STX6: variants seen among roughly 807,000 people sequenced by gnomAD.
The protein encoded by STX6 is syntaxin 6, also known as syntaxin-6.
In STX6, 23 loss-of-function variants were observed where a neutral mutation model predicts 38.0. The observed-to-expected ratio is 0.60, with a 90% CI of 0.43 to 0.86. The LOEUF is 0.86. Among genes scored for constraint, STX6 ranks in the 40% least tolerant of loss-of-function variants. The pLI, the probability that STX6 is intolerant of heterozygous loss-of-function variation, is 0.00. For missense variants in STX6, 274 were observed against 312.9 expected (o/e 0.88, Z 0.94); for synonymous variants, 123 against 107.5 (o/e 1.14, Z -0.89).
intron 1 of STX6, among the ~76,000 whole-genome samples, chr1:181,010,068 G>A (rs766409954): frequency 1.2e-4 from 19 of 152,130 alleles, no homozygotes; most frequent in Admixed American, 8.5e-4. Context: ...CCAGGTGCTC[G>A]ACATGGGGGA....
chr1:180,972,933 CCTGGGAGGAGTAAGGCCTGTCA>C lies in STX6; in HGVS notation c.*3615_*3636del. 1 of 254,120 alleles carries C rather than the reference CCTGGGAGGAGTAAGGCCTGTCA, an allele frequency of 3.9e-6. No individual in the cohort carries two copies. Among genetic ancestry groups the C allele is most frequent in the South Asian group, 4.3e-5 (1 of 23,004 alleles). 15.7% of individuals were successfully genotyped at this position (254,120 alleles called of 1,614,324 possible). On this transcript the variant is annotated 3_prime_UTR_variant, in exon 8 of 8. Transcript: ENST00000258301. ...ACCACCCCCTATTAGAAGCAAAGGCCCTGGGAGGAGTAAGGCCTGTCACTGGGGCAGGGGCACTGTCCTCAGG... is the reference window on the plus strand; with the variant it reads ...ACCACCCCCTATTAGAAGCAAAGGCCCTGGGGCAGGGGCACTGTCCTCAGG...
chr1:180,994,968 AT>A (rs35603304), intron 3 of STX6, among the ~76,000 whole-genome samples: 56,348 of 144,418 alleles, frequency 0.39, 11,289 homozygotes, highest in African/African-American at 0.54. Context: ...TTAAAAAAAA[AT>A]TTTTTTTTTT....
intron 1 of STX6, among the ~76,000 whole-genome samples, chr1:181,007,257 A>G (rs1380540575): frequency 2.0e-5 from 3 of 152,066 alleles, no homozygotes; most frequent in Non-Finnish European, 2.9e-5. Context: ...TCTCTAGATT[A>G]TTTATAATAC....
intron 7 of STX6, among the ~76,000 whole-genome samples, chr1:180,982,834 C>G (rs529435037): frequency 6.6e-6 from 1 of 152,304 alleles, no homozygotes; most frequent in Non-Finnish European, 1.5e-5. Flanking sequence ...AAACCTTTCT[C>G]TAAATGTGTG....
chr1:180,981,241 T>A (rs1655406365), intron 7 of STX6, among the ~76,000 whole-genome samples: 1 of 152,058 alleles, frequency 6.6e-6, no homozygotes, highest in Non-Finnish European at 1.5e-5. Flanking sequence ...TGATGCTTGA[T>A]GTCAATAGTC....
At position 180,981,229 on chromosome 1, in the gene STX6, C is replaced by T. The variant is rs575066020; in HGVS notation, c.691+3448G>A. ...AGGCTGATTGTAACAAACGTACCAC[C>T]GTGATGCTTGATGTCAATAGTCAGG... On this transcript the variant is annotated intron_variant, in intron 7 of 7. Transcript: ENST00000258301. Among the ~76,000 whole-genome samples, 41 of 152,098 alleles carry T rather than the reference C, an allele frequency of 2.7e-4. No individual in the cohort carries two copies. The South Asian group carries it at 7.1e-3, about 26-fold the overall frequency.
intron 1 of STX6, among the ~76,000 whole-genome samples, chr1:181,018,414 A>AG (rs1558101779): frequency 7.6e-6 from 1 of 132,292 alleles, no homozygotes; most frequent in Non-Finnish European, 1.7e-5. Context: ...AAAAAAAAAA[A>AG]GAAAAGAAAA....
At chr1:181,002,324 A>C in intron 3 of STX6, among the ~76,000 whole-genome samples, 1 of 147,700 alleles carries the variant, frequency 6.8e-6, no homozygotes, top group South Asian at 2.1e-4. Context: ...TAATTTTTAT[A>C]TTTTTTTTTT....
intron 3 of STX6, among the ~76,000 whole-genome samples, chr1:180,998,676 C>A (rs1403165680): frequency 6.6e-6 from 1 of 152,216 alleles, no homozygotes; most frequent in Non-Finnish European, 1.5e-5. Context: ...CCACCACACC[C>A]CGCCAGCTTT....
At chr1:181,018,421 A>G (rs934961410) in intron 1 of STX6, among the ~76,000 whole-genome samples, 2 of 148,894 alleles carry the variant, frequency 1.3e-5, no homozygotes, top group African/African-American at 4.9e-5. Context: ...AAAAGAAAAG[A>G]AAAAGTGATA....
At position 180,993,354 on chromosome 1, in the gene STX6, T is replaced by C; in HGVS notation, c.363+9A>G. On this transcript the variant is annotated intron_variant, in intron 4 of 7. Coordinates refer to ENST00000258301, the MANE Select transcript of STX6 (RefSeq NM_005819.6). The stretch of plus-strand genomic sequence containing the variant: ...TGTCATTGATAATTATATTCTGATG[T>C]TTTCTCACCTGTCTATTTTTTCTTT... The C allele has an allele frequency of 6.7e-7, 1 of 1,492,142 alleles. No homozygotes were observed. The highest frequency in any genetic ancestry group is 9.3e-7 in the Non-Finnish European group (1 of 1,070,880). 92.4% of individuals were successfully genotyped at this position (1,492,142 alleles called of 1,614,324 possible). A position where few individuals can be genotyped will look rare whatever the true frequency, so the allele number is the denominator to read the frequency against.
At chr1:181,020,360 A>C (rs1656691779) in intron 1 of STX6, among the ~76,000 whole-genome samples, 1 of 152,234 alleles carries the variant, frequency 6.6e-6, no homozygotes, top group Admixed American at 6.5e-5. Flanking sequence ...TCTCATCAAT[A>C]ATCTTTAATC....
At chr1:181,020,442 G>A (rs994469479) in intron 1 of STX6, among the ~76,000 whole-genome samples, 2 of 152,110 alleles carry the variant, frequency 1.3e-5, no homozygotes, top group African/African-American at 2.4e-5. Context: ...ATATTTTACT[G>A]CGGCTACTAG....
chr1:180,984,851 G>A, intron 6 of STX6, 80 bp from the exon 7 acceptor site: 1 of 578,140 alleles, frequency 1.7e-6, no homozygotes, highest in Non-Finnish European at 3.2e-6. Context: ...AAAGGACCAG[G>A]CCTCCATTTT....
intron 1 of STX6, among the ~76,000 whole-genome samples, chr1:181,016,219 CCATCTT>C (rs1246841468): frequency 7.3e-6 from 1 of 136,700 alleles, no homozygotes; most frequent in Non-Finnish European, 1.7e-5. Flanking sequence ...GGTCTTCTTC[CCATCTT>C]TATCTTTCTC....
intron 1 of STX6, among the ~76,000 whole-genome samples, chr1:181,010,415 C>T (rs1656357595): frequency 2.6e-5 from 4 of 152,042 alleles, no homozygotes; most frequent in Admixed American, 6.6e-5. Flanking sequence ...GATTCTCCTG[C>T]CTCAGCCTCC....
intron 3 of STX6, among the ~76,000 whole-genome samples, chr1:180,997,750 CTG>C (rs1468834027): frequency 1.3e-5 from 2 of 152,168 alleles, no homozygotes; most frequent in Non-Finnish European, 2.9e-5. Flanking sequence ...CTAGATTTAT[CTG>C]TGTCATTGTA....
intron 4 of STX6, among the ~76,000 whole-genome samples, chr1:180,993,011 G>A (rs1655797734): frequency 6.6e-6 from 1 of 152,192 alleles, no homozygotes; most frequent in Admixed American, 6.5e-5. Context: ...GAGAAAGACA[G>A]TAATTATAGC....
At chr1:181,008,074 G>A (rs986491340) in intron 1 of STX6, among the ~76,000 whole-genome samples, 1 of 152,134 alleles carries the variant, frequency 6.6e-6, no homozygotes, top group Non-Finnish European at 1.5e-5. Context: ...GGACAATTGT[G>A]GATGTACTTT....
Sources: allele counts gnomAD v4.1 joint callset (sites outside exome capture counted in the v4.1 genomes callset), GRCh38; gene constraint gnomAD v4.1.1; transcripts MANE v1.5; gene names NCBI Gene and HGNC (gene_info 2026-07-23, HGNC 2026-07-21).